Variants in DDX10 observed in about 807,000 individuals in gnomAD.
DDX10 encodes probable ATP-dependent RNA helicase DDX10.
DDX10 carries 74 observed loss-of-function variants against 104.3 expected under a neutral mutation model. The ratio of observed to expected loss-of-function variants is 0.71; its 90% confidence interval spans 0.59 to 0.86. The LOEUF is 0.86. DDX10 is among the 40% of genes least tolerant of loss of function. The probability of loss-of-function intolerance (pLI) is 0.00; values close to 1 mark genes in which losing one functional copy is unlikely to be tolerated. For synonymous variants in DDX10, 351 were observed against 353.4 expected, an observed-to-expected ratio of 0.99 and a Z score of 0.08; for missense variants, 952 against 1,040.0, an observed-to-expected ratio of 0.92 and a Z score of 1.16.
At chr11:108,888,783 T>TC (rs1219250811) in intron 16 of DDX10, among the ~76,000 whole-genome samples, 4 of 143,586 alleles carry the variant, frequency 2.8e-5, no homozygotes, top group Non-Finnish European at 1.5e-5. Flanking sequence ...ATTCTATCGT[T>TC]TAAAAAAAAA....
chr11:108,754,357 A>G (rs556033469), intron 13 of DDX10, among the ~76,000 whole-genome samples: 2 of 152,098 alleles, frequency 1.3e-5, no homozygotes, highest in East Asian at 3.9e-4. Context: ...GCAGTGCTTA[A>G]TTTTTAAGGT....
At chr11:108,714,805 G>A (rs983488144) in intron 10 of DDX10, among the ~76,000 whole-genome samples, 2 of 152,134 alleles carry the variant, frequency 1.3e-5, no homozygotes, top group Admixed American at 6.5e-5. Flanking sequence ...ATAATTTGGA[G>A]AGTGGTTAGA....
intron 14 of DDX10, among the ~76,000 whole-genome samples, chr11:108,840,851 A>G (rs1434683324): frequency 1.3e-5 from 2 of 152,228 alleles, no homozygotes; most frequent in East Asian, 3.8e-4. Context: ...GATTAATTCT[A>G]GTAAGAGAAA....
intron 16 of DDX10, among the ~76,000 whole-genome samples, chr11:108,886,757 A>T (rs1185490895): frequency 6.6e-6 from 1 of 152,218 alleles, no homozygotes; most frequent in Non-Finnish European, 1.5e-5. Context: ...CACCAAGTTA[A>T]GTTTGAATCT....
chr11:108,937,531 A>G (rs1864051885), intron 17 of DDX10, among the ~76,000 whole-genome samples: 1 of 152,200 alleles, frequency 6.6e-6, no homozygotes. Flanking sequence ...ATTATTAGCA[A>G]TGAGTGAGTT....
chr11:108,782,391 T>A (rs181927670), intron 13 of DDX10, among the ~76,000 whole-genome samples: 1 of 152,324 alleles, frequency 6.6e-6, no homozygotes, highest in East Asian at 1.9e-4. Context: ...TTTCCTCAGC[T>A]GCAGTTAAAT....
At chr11:108,880,732 G>A (rs1308485237) in intron 16 of DDX10, among the ~76,000 whole-genome samples, 2 of 152,134 alleles carry the variant, frequency 1.3e-5, no homozygotes, top group Non-Finnish European at 2.9e-5. Flanking sequence ...AAACAGGAAA[G>A]TAACATAATC....
intron 15 of DDX10, among the ~76,000 whole-genome samples, chr11:108,845,683 C>T (rs761914284): frequency 6.6e-6 from 1 of 152,124 alleles, no homozygotes; most frequent in Non-Finnish European, 1.5e-5. Flanking sequence ...TTCGTAAAAC[C>T]TATCACATGC....
At chr11:108,926,454 A>G (rs1863910174) in intron 17 of DDX10, among the ~76,000 whole-genome samples, 1 of 152,134 alleles carries the variant, frequency 6.6e-6, no homozygotes, top group Non-Finnish European at 1.5e-5. Context: ...CTTCCTCACC[A>G]CCACCAGCCT....
intron 13 of DDX10, among the ~76,000 whole-genome samples, chr11:108,765,758 C>T (rs1256489817): frequency 1.3e-5 from 2 of 152,140 alleles, no homozygotes; most frequent in African/African-American, 4.8e-5. Context: ...TCTGTTAAAC[C>T]AGTGCAGCAA....
intron 13 of DDX10, among the ~76,000 whole-genome samples, chr11:108,730,330 C>T (rs1025600426): frequency 1.3e-5 from 2 of 152,176 alleles, no homozygotes; most frequent in African/African-American, 2.4e-5. Context: ...CTGAAAGTCT[C>T]GTAGAAAAGT....
Position 108,917,947 on chromosome 11 carries a change from C to T in DDX10, c.2379C>T (p.Ser793=), listed in dbSNP as rs1160011462. Residue 793 remains serine (S), a synonymous_variant, in exon 17 of 18, where the codon AGC becomes AGT. Transcript: ENST00000322536. The part of the protein sequence containing the change: ...DDDDDDGFDP[S]TLPDPDKYRS... ...ATGATGATGATGGATTTGATCCAAG[C>T]ACACTCCCAGATCCAGATAAATACA... 3 of 1,613,096 alleles carry T rather than the reference C, an allele frequency of 1.9e-6. No homozygotes were observed. Among genetic ancestry groups the T allele is most frequent in the Non-Finnish European group, 2.5e-6 (3 of 1,179,894 alleles).
At chr11:108,752,825 A>T (rs1300335303) in intron 13 of DDX10, among the ~76,000 whole-genome samples, 1 of 152,096 alleles carries the variant, frequency 6.6e-6, no homozygotes, top group Non-Finnish European at 1.5e-5. Flanking sequence ...ACCTTAGGAG[A>T]TAAAGGAATA....
intron 11 of DDX10, among the ~76,000 whole-genome samples, chr11:108,719,417 C>G (rs2134472790): frequency 6.6e-6 from 1 of 152,120 alleles, no homozygotes; most frequent in South Asian, 2.1e-4. Context: ...GATGAGGATA[C>G]TGACATGTAG....
At chr11:108,927,068 G>T (rs1201143069) in intron 17 of DDX10, among the ~76,000 whole-genome samples, 1 of 152,148 alleles carries the variant, frequency 6.6e-6, no homozygotes, top group Non-Finnish European at 1.5e-5. Flanking sequence ...CATATTCACT[G>T]TTCTCCACCT....
intron 13 of DDX10, chr11:108,768,057 C>T (rs957253520): frequency 3.9e-5 from 6 of 152,186 alleles, no homozygotes; most frequent in Non-Finnish European, 8.8e-5. Context: ...TTTTCTCTAG[C>T]TTACTTTATT....
intron 13 of DDX10, among the ~76,000 whole-genome samples, chr11:108,772,907 A>G (rs2094365150): frequency 6.6e-6 from 1 of 152,212 alleles, no homozygotes; most frequent in Admixed American, 6.5e-5. Flanking sequence ...ATTGTTGGTA[A>G]GGTACCAGTA....
chr11:108,705,088 A>G (rs1399704271), intron 9 of DDX10, among the ~76,000 whole-genome samples: 1 of 152,224 alleles, frequency 6.6e-6, no homozygotes. Context: ...CTGTATGCAG[A>G]GACATTCTGG....
intron 16 of DDX10, among the ~76,000 whole-genome samples, chr11:108,913,709 A>C (rs1232214574): frequency 2.0e-5 from 3 of 152,164 alleles, no homozygotes; most frequent in Non-Finnish European, 4.4e-5. Context: ...ATCATTCATG[A>C]AATCAAAGAT....
Sources: allele counts gnomAD v4.1 joint callset (sites outside exome capture counted in the v4.1 genomes callset), GRCh38; gene constraint gnomAD v4.1.1; transcripts MANE v1.5; gene names NCBI Gene and HGNC (gene_info 2026-07-23, HGNC 2026-07-21).